The following APPL1 variants were observed in gnomAD, a reference collection of about 807,000 sequenced individuals.
APPL1 encodes adaptor protein, phosphotyrosine interacting with PH domain and leucine zipper 1.
Under a neutral mutation model 106.8 loss-of-function variants are expected in APPL1, and 42 were observed. That is an observed-to-expected ratio of 0.39 (90% CI 0.31 to 0.51). The LOEUF (loss-of-function observed/expected upper bound fraction) is 0.51, where lower values mean the gene tolerates loss of function less well. APPL1 is among the 20% of genes least tolerant of loss of function. The pLI is 0.75. For missense variants in APPL1, 769 were observed against 858.2 expected (o/e 0.90, Z 1.30); for synonymous variants, 263 against 281.8 (o/e 0.93, Z 0.67).
At chr3:57,265,435 C>T (rs765569183) in intron 19 of APPL1, among the ~76,000 whole-genome samples, 1 of 152,222 alleles carries the variant, frequency 6.6e-6, no homozygotes, top group African/African-American at 2.4e-5. Flanking sequence ...CAGGCCTGAG[C>T]CACTGCGCCC....
At chr3:57,241,817 A>C (rs551083630) in intron 5 of APPL1, among the ~76,000 whole-genome samples, 11 of 152,338 alleles carry the variant, frequency 7.2e-5, no homozygotes, top group Middle Eastern at 3.4e-3. Flanking sequence ...TCTGGCACTA[A>C]ATCAGAATAT....
intron 7 of APPL1, 97 bp downstream of exon 7, chr3:57,243,011 T>A: frequency 1.2e-6 from 1 of 833,620 alleles, no homozygotes; most frequent in South Asian, 1.6e-5. Context: ...TTACTTTGTA[T>A]GTTTTGTTAT....
At position 57,242,158 on chromosome 3, in the gene APPL1, T is replaced by G. The variant is rs772321217; in HGVS notation, c.415+16T>G. On this transcript the variant is annotated intron_variant, in intron 6 of 21. Coordinates refer to ENST00000288266, the MANE Select transcript of APPL1 (RefSeq NM_012096.3). Reference sequence around the variant, plus strand: ...GCAAGTAATGGTAAGCCCTATAATTTGCACACTTATTTCTTGCAGTGATGT... The same window carrying G: ...GCAAGTAATGGTAAGCCCTATAATTGGCACACTTATTTCTTGCAGTGATGT... The G allele has an allele frequency of 6.3e-7, 1 of 1,580,430 alleles. No individual in the cohort carries two copies. The highest frequency in any genetic ancestry group is 1.1e-5 in the South Asian group (1 of 88,150).
chr3:57,260,371 T>C, intron 18 of APPL1: 1 of 572,112 alleles, frequency 1.7e-6, no homozygotes, highest in Non-Finnish European at 2.8e-6. Flanking sequence ...TTGTAATTTT[T>C]TTAACACAGT....
At position 57,238,064 on chromosome 3, in the gene APPL1, A is replaced by T; in HGVS notation, c.233A>T (p.Asp78Val). ...TTTCAGCGTTTTCCATTGGGAGGTG[A>T]TGATGAAGTTATGAGCTCTACATTG... Reference protein sequence around the residue: ...YEKQRFPLGGDDEVMSSTLQQ... With the variant: ...YEKQRFPLGGVDEVMSSTLQQ... Residue 78 changes from aspartate (D) to valine (V), a missense_variant, in exon 4 of 22, where the codon GAT (aspartate) becomes GTT (valine). Asp to Val is a radical substitution (Grantham distance 152, BLOSUM62 -3). Coordinates refer to ENST00000288266, the MANE Select transcript of APPL1 (RefSeq NM_012096.3). 1 of 1,611,696 alleles carries T rather than the reference A, an allele frequency of 6.2e-7. No homozygotes were observed. The highest frequency in any genetic ancestry group is 8.5e-7 in the Non-Finnish European group (1 of 1,179,102).
chr3:57,271,671 T>G lies in APPL1; in HGVS notation c.*1984T>G, dbSNP rs1310136713. 1 of 152,256 alleles carries G rather than the reference T, an allele frequency of 6.6e-6. No homozygotes were observed. Among genetic ancestry groups the G allele is most frequent in the African/African-American group, 2.4e-5 (1 of 41,470 alleles). 9.4% of individuals were successfully genotyped at this position (152,256 alleles called of 1,614,324 possible). A position where few individuals can be genotyped will look rare whatever the true frequency, so the allele number is the denominator to read the frequency against. On this transcript the variant is annotated 3_prime_UTR_variant, in exon 22 of 22. Transcript: ENST00000288266. The stretch of plus-strand genomic sequence containing the variant: ...AGCTGGTGCTTTGCATGGTAGCAAG[T>G]GCTGCCCTTTATCAGCACCCTGGGT...
Position 57,252,237 on chromosome 3 carries a change from C to T in APPL1, c.1053-32C>T, listed in dbSNP as rs1481854436. 5 of 1,573,634 alleles carry T rather than the reference C, an allele frequency of 3.2e-6. No homozygotes were observed. In the East Asian group the frequency reaches 9.0e-5, roughly 28 times the overall value. Reference sequence around the variant, plus strand: ...ATTATGTTGAAAATACTTTTTTAAACAGTTGAGGCTCAAACGTCTCTTCTC... The same window carrying T: ...ATTATGTTGAAAATACTTTTTTAAATAGTTGAGGCTCAAACGTCTCTTCTC... On this transcript the variant is annotated intron_variant, in intron 11 of 21. Coordinates refer to ENST00000288266, the MANE Select transcript of APPL1 (RefSeq NM_012096.3).
At chr3:57,248,146 G>A (rs372162482) in intron 9 of APPL1, 47 bp from the exon 10 acceptor site, 44 of 1,564,634 alleles carry the variant, frequency 2.8e-5, no homozygotes, top group Non-Finnish European at 3.6e-5. Flanking sequence ...TTGGTAAGGA[G>A]TTCTTTATTG....
chr3:57,248,943 T>A (rs886462816), intron 10 of APPL1, among the ~76,000 whole-genome samples: 20 of 152,366 alleles, frequency 1.3e-4, no homozygotes, highest in Admixed American at 2.6e-4. Context: ...ATGAGAATGC[T>A]ATGAAATATC....
At chr3:57,257,479 A>G in intron 15 of APPL1, 51 bp downstream of exon 15, 1 of 1,434,084 alleles carries the variant, frequency 7.0e-7, no homozygotes, top group Non-Finnish European at 9.4e-7. Context: ...AAGGCTTATA[A>G]TCCCCTGTCT....
chr3:57,232,467 A>G (rs907779943), intron 1 of APPL1, among the ~76,000 whole-genome samples: 8 of 152,022 alleles, frequency 5.3e-5, no homozygotes, highest in Admixed American at 4.6e-4. Flanking sequence ...TGTTCAACTA[A>G]CAGATCAATT....
At chr3:57,244,886 G>C (rs1413326892) in intron 7 of APPL1, among the ~76,000 whole-genome samples, 1 of 152,154 alleles carries the variant, frequency 6.6e-6, no homozygotes, top group Non-Finnish European at 1.5e-5. Flanking sequence ...AAAATGGAGA[G>C]GAAGGAGTAC....
At chr3:57,264,801 CTTTT>C (rs201592600) in intron 19 of APPL1, among the ~76,000 whole-genome samples, 2 of 114,252 alleles carry the variant, frequency 1.8e-5, no homozygotes. Flanking sequence ...GTCTATGTGT[CTTTT>C]TTTTTTTTTT....
intron 18 of APPL1, chr3:57,260,366 A>G (rs1244372534): frequency 5.1e-6 from 3 of 586,094 alleles, no homozygotes; most frequent in Non-Finnish European, 8.2e-6. Context: ...TCTTTTTGTA[A>G]TTTTTTTAAC....
intron 1 of APPL1, among the ~76,000 whole-genome samples, chr3:57,229,963 C>T (rs2060678234): frequency 6.6e-6 from 1 of 152,112 alleles, no homozygotes; most frequent in Non-Finnish European, 1.5e-5. Context: ...ATCTGCCCGC[C>T]TTGGCCTCTC....
chr3:57,269,508 G>A (rs761185785), intron 21 of APPL1, 33 bp from the exon 22 acceptor site: 4 of 1,609,228 alleles, frequency 2.5e-6, no homozygotes, highest in Admixed American at 3.4e-5. Flanking sequence ...CTGCAGACAA[G>A]TAACTTAGTT....
At chr3:57,261,792 A>G (rs1345103010) in intron 19 of APPL1, among the ~76,000 whole-genome samples, 1 of 152,214 alleles carries the variant, frequency 6.6e-6, no homozygotes, top group Non-Finnish European at 1.5e-5. Context: ...TGCTGGGATT[A>G]CAGGCGTGAG....
intron 19 of APPL1, among the ~76,000 whole-genome samples, chr3:57,264,563 T>TA (rs1405241084): frequency 7.5e-5 from 11 of 146,774 alleles, no homozygotes; most frequent in Non-Finnish European, 7.4e-5. Context: ...TAAAAAAATT[T>TA]AAAAAAAAAT....
chr3:57,240,079 C>A (rs1297664771), intron 4 of APPL1, among the ~76,000 whole-genome samples: 1 of 148,244 alleles, frequency 6.7e-6, no homozygotes, highest in African/African-American at 2.5e-5. Flanking sequence ...TTTCTAGATA[C>A]AAGTTACTTA....
Sources: allele counts gnomAD v4.1 joint callset (sites outside exome capture counted in the v4.1 genomes callset), GRCh38; gene constraint gnomAD v4.1.1; transcripts MANE v1.5; gene names NCBI Gene and HGNC (gene_info 2026-07-23, HGNC 2026-07-21).